Variants in KALRN observed in about 807,000 individuals in gnomAD.
The protein encoded by KALRN is kalirin.
KALRN carries 70 observed loss-of-function variants against 353.7 expected under a neutral mutation model. The observed-to-expected ratio is 0.20, with a 90% CI of 0.16 to 0.24. KALRN has a LOEUF of 0.24. KALRN is among the 10% of genes least tolerant of loss of function. The pLI, the probability that KALRN is intolerant of heterozygous loss-of-function variation, is 1.00. For missense variants in KALRN, 2,791 were observed against 3,756.7 expected (o/e 0.74, Z 6.72); for synonymous variants, 1,391 against 1,434.8 (o/e 0.97, Z 0.69).
chr3:124,518,496 G>A (rs754050599), intron 33 of KALRN: 35 of 1,613,544 alleles, frequency 2.2e-5, no homozygotes, highest in Admixed American at 1.7e-4. Context: ...GCAGCTCACC[G>A]GGTTAGCCGT....
intron 21 of KALRN, 187 bp from the exon 22 acceptor site, chr3:124,454,990 A>T: frequency 1.7e-6 from 1 of 596,868 alleles, no homozygotes. Context: ...AGATGAAGAA[A>T]TGGAGGCACA....
intron 27 of KALRN, 151 bp from the exon 28 acceptor site, chr3:124,482,657 C>A: frequency 1.9e-6 from 1 of 537,654 alleles, no homozygotes; most frequent in South Asian, 2.8e-5. Flanking sequence ...TCTCTTTTTA[C>A]TCCCCTCTCC....
At chr3:124,189,422 G>A (rs2074625859) in intron 1 of KALRN, among the ~76,000 whole-genome samples, 1 of 152,168 alleles carries the variant, frequency 6.6e-6, no homozygotes, top group South Asian at 2.1e-4. Flanking sequence ...TTGAAAAAGG[G>A]ACATGAAGGC....
At chr3:124,145,450 A>G (rs2067216874) in intron 1 of KALRN, among the ~76,000 whole-genome samples, 1 of 152,164 alleles carries the variant, frequency 6.6e-6, no homozygotes, top group African/African-American at 2.4e-5. Flanking sequence ...GAGTTCCCTG[A>G]GTGATTTCAT....
chr3:124,593,555 G>A (rs2076005688), intron 34 of KALRN, among the ~76,000 whole-genome samples: 1 of 152,000 alleles, frequency 6.6e-6, no homozygotes, highest in Non-Finnish European at 1.5e-5. Context: ...TTTTCTTTTT[G>A]ATTTGTTCTT....
intron 5 of KALRN, among the ~76,000 whole-genome samples, chr3:124,296,487 C>T (rs1268496160): frequency 1.3e-5 from 2 of 152,208 alleles, no homozygotes; most frequent in Admixed American, 6.5e-5. Context: ...TCCAGGACTC[C>T]GGGTCCTCGC....
At chr3:124,661,760 A>G in intron 44 of KALRN, 91 bp from the exon 45 acceptor site, 3 of 963,374 alleles carry the variant, frequency 3.1e-6, no homozygotes, top group Non-Finnish European at 1.7e-6. Context: ...GCCACCAGAG[A>G]TGAAGTCCCT....
chr3:124,115,709 C>T lies in KALRN; in HGVS notation c.73+81896C>T, dbSNP rs540423724. 3.3e-5 allele frequency among the ~76,000 whole-genome samples: 5 copies of T among 152,236 alleles called. 1 individual carries two copies. The highest frequency in any genetic ancestry group is 1.2e-4 in the African/African-American group (5 of 41,542). ...ATGACCAGGGTTCCTGCAGGGAGGT[C>T]GAGCAACGGCAGCTTGTGGTTTGGG... is the stretch of plus-strand genomic sequence containing the variant. On this transcript the variant is annotated intron_variant, in intron 1 of 59. Coordinates refer to ENST00000682506, the MANE Select transcript of KALRN (RefSeq NM_001388419.1).
chr3:124,097,427 G>A (rs940706070), intron 1 of KALRN, among the ~76,000 whole-genome samples: 16 of 152,184 alleles, frequency 1.1e-4, no homozygotes, highest in Non-Finnish European at 2.4e-4. Context: ...CATCATTGTC[G>A]TGCCTTATGT....
intron 10 of KALRN, among the ~76,000 whole-genome samples, chr3:124,382,754 G>C (rs192486652): frequency 1.1e-4 from 16 of 152,286 alleles, no homozygotes; most frequent in Admixed American, 3.9e-4. Context: ...TGGACAATTT[G>C]AGGGATTCCT....
chr3:124,558,181 G>C (rs1439909622), intron 33 of KALRN, among the ~76,000 whole-genome samples: 1 of 152,078 alleles, frequency 6.6e-6, no homozygotes, highest in Non-Finnish European at 1.5e-5. Flanking sequence ...AGTTGATACA[G>C]TCTGTTACCA....
intron 1 of KALRN, among the ~76,000 whole-genome samples, chr3:124,041,338 A>G (rs1040298414): frequency 2.6e-5 from 4 of 152,202 alleles, no homozygotes; most frequent in Admixed American, 2.6e-4. Context: ...GAGAGACTCA[A>G]ATAAGATACT....
At chr3:124,308,715 T>A (rs931459794) in intron 6 of KALRN, among the ~76,000 whole-genome samples, 1 of 151,104 alleles carries the variant, frequency 6.6e-6, no homozygotes, top group African/African-American at 2.4e-5. Context: ...TTAAAAAAGC[T>A]AAAAAAAAGT....
At chr3:124,137,867 G>A (rs1257895676) in intron 1 of KALRN, among the ~76,000 whole-genome samples, 3 of 152,142 alleles carry the variant, frequency 2.0e-5, no homozygotes, top group Non-Finnish European at 4.4e-5. Context: ...TCCTCTGAGG[G>A]CAGGGGTGAA....
In KALRN at chr3:124,436,513, C is replaced by T. The variant is rs2093465518; in HGVS notation, c.3048+1988C>T. ...GCTAGAGATGGGACTAGAGAAGTCA[C>T]CTCAAGTTTGATGACAGATCTTCTC... On this transcript the variant is annotated intron_variant, in intron 17 of 59. Transcript: ENST00000682506. 2.0e-5 allele frequency among the ~76,000 whole-genome samples: 3 copies of T among 152,074 alleles called. No homozygotes were observed. The South Asian group carries it at 6.2e-4, about 31-fold the overall frequency.
intron 33 of KALRN, chr3:124,518,891 T>C (rs1462254334): frequency 9.8e-6 from 10 of 1,017,108 alleles, no homozygotes; most frequent in Non-Finnish European, 1.2e-5. Flanking sequence ...GCTGAACATT[T>C]CTATTATCAG....
At chr3:124,572,314 G>C (rs1383797973) in intron 34 of KALRN, among the ~76,000 whole-genome samples, 1 of 142,488 alleles carries the variant, frequency 7.0e-6, no homozygotes, top group Non-Finnish European at 1.5e-5. Flanking sequence ...GACAAAGCAA[G>C]ACCCCATCTC....
At chr3:124,274,947 G>A (rs1230175120) in intron 5 of KALRN, among the ~76,000 whole-genome samples, 1 of 152,184 alleles carries the variant, frequency 6.6e-6, no homozygotes, top group Non-Finnish European at 1.5e-5. Context: ...GGTGGGTGGG[G>A]TTAGGATTTG....
chr3:124,563,164 C>T (rs929534745), intron 34 of KALRN, 75 bp downstream of exon 34: 3 of 1,301,986 alleles, frequency 2.3e-6, no homozygotes, highest in Non-Finnish European at 3.1e-6. Flanking sequence ...CTGAAGACCA[C>T]CATGGAAGTG....
Sources: allele counts gnomAD v4.1 joint callset (sites outside exome capture counted in the v4.1 genomes callset), GRCh38; gene constraint gnomAD v4.1.1; transcripts MANE v1.5; gene names NCBI Gene and HGNC (gene_info 2026-07-23, HGNC 2026-07-21).